ADSS2: variants seen among roughly 807,000 people sequenced by gnomAD.
The protein encoded by ADSS2 is adenylosuccinate synthetase isozyme 2.
In ADSS2, 30 loss-of-function variants were observed where a neutral mutation model predicts 60.0. The ratio of observed to expected loss-of-function variants is 0.50; its 90% CI spans 0.37 to 0.68. The LOEUF is 0.68. Among genes scored for constraint, ADSS2 ranks in the 30% least tolerant of loss-of-function variants. The pLI is 0.00. For synonymous variants in ADSS2, 187 were observed against 193.1 expected (o/e 0.97, Z 0.26); for missense variants, 373 against 554.8 (o/e 0.67, Z 3.29).
rs1664501856 is a variant in ADSS2 at position 244,415,235 on chromosome 1, T to C, written c.1168+746A>G. ...TTGAAGTTATAACTCTTGAAATAGC[T>C]TTGTAAATAGAATTAAGAACCAGGA... On this transcript the variant is annotated intron_variant, in intron 11 of 12. Coordinates refer to ENST00000366535, the MANE Select transcript of ADSS2 (RefSeq NM_001126.5). 2.0e-5 allele frequency among the ~76,000 whole-genome samples: 3 copies of C among 152,246 alleles called. No individual in the cohort carries two copies. The South Asian group carries it at 6.2e-4, about 31-fold the overall frequency.
At chr1:244,425,448 T>C (rs1261581895) in intron 4 of ADSS2, among the ~76,000 whole-genome samples, 2 of 152,194 alleles carry the variant, frequency 1.3e-5, no homozygotes, top group East Asian at 1.9e-4. Flanking sequence ...AAGACTGATA[T>C]AAGGTTCTTG....
intron 2 of ADSS2, 79 bp from the exon 3 acceptor site, chr1:244,436,972 C>T (rs918828481): frequency 1.3e-5 from 15 of 1,180,054 alleles, no homozygotes; most frequent in Admixed American, 7.9e-5. Flanking sequence ...TCTGATTTAC[C>T]ACGGTGTTAC....
In ADSS2 at chr1:244,422,739, C is replaced by T. The variant is rs116235277; in HGVS notation, c.663+96G>A. 805 of 881,912 alleles carry T rather than the reference C, an allele frequency of 9.1e-4. 7 individuals are homozygous for T. In the African/African-American group the frequency reaches 0.012, roughly 13 times the overall value. The allele number at this position is 881,912 out of a possible 1,614,324, so 54.6% of individuals were successfully genotyped here. A position where few individuals can be genotyped will look rare whatever the true frequency, so the allele number is the denominator to read the frequency against. On this transcript the variant is annotated intron_variant, in intron 7 of 12. Transcript: ENST00000366535. ...GTCCAAGACAAACAATTTCCTTTGC[C>T]AGTTCTTACCCAAAGCCTGCATGAA...
At chr1:244,428,348 C>A (rs562648241) in intron 4 of ADSS2, among the ~76,000 whole-genome samples, 1 of 152,114 alleles carries the variant, frequency 6.6e-6, no homozygotes, top group East Asian at 1.9e-4. Context: ...TCATACTCAA[C>A]TTATAAGTTA....
rs73129734 is a variant in ADSS2, at chr1:244,439,507, C to T, written c.184-1739G>A. Among the ~76,000 whole-genome samples, 829 of 152,296 alleles carry T rather than the reference C, an allele frequency of 5.4e-3. 15 individuals carry two copies. Among genetic ancestry groups the T allele is most frequent in the African/African-American group, 0.018 (748 of 41,564 alleles). On this transcript the variant is annotated intron_variant, in intron 1 of 12. Coordinates refer to ENST00000366535, the MANE Select transcript of ADSS2 (RefSeq NM_001126.5). ...GACTCCGCCCAGTGCCCTGCCCCTA[C>T]TGTGGCTGGGATCCAAACTGCAAGA...
Position 244,418,889 on chromosome 1 carries a change from T to C in ADSS2, c.816A>G (p.Ser272=). The C allele has an allele frequency of 6.2e-7, 1 of 1,611,146 alleles. No homozygotes were observed. The highest frequency in any genetic ancestry group is 8.5e-7 in the Non-Finnish European group (1 of 1,178,930). The stretch of plus-strand genomic sequence containing the variant: ...TACAAACACCTCCAACAGTACAATT[T>C]GAAGAGGTTACAAAAGGGTAAGTCC... ...DFGTYPFVTS[S]NCTVGGVCTG... is the part of the protein sequence containing the mutation. The change falls in exon 9 of 13, where the codon TCA becomes TCG. Residue 272 remains serine (S), a synonymous_variant. Transcript: ENST00000366535.
intron 6 of ADSS2, among the ~76,000 whole-genome samples, chr1:244,423,257 GCAGTTTA>G: frequency 6.6e-6 from 1 of 152,260 alleles, no homozygotes; most frequent in East Asian, 1.9e-4. Context: ...ACAAAAGGGG[GCAGTTTA>G]CATGATACTT....
Position 244,423,970 on chromosome 1 carries a change from A to G in ADSS2, c.564T>C (p.Phe188=), listed in dbSNP as rs565481613. 4.5e-5 allele frequency: 72 copies of G among 1,612,064 alleles called. 1 individual carries two copies. In the South Asian group the frequency reaches 6.1e-4, roughly 14 times the overall value. Residue 188 remains phenylalanine, a synonymous_variant, in exon 6 of 13, where the codon TTT becomes TTC. Coordinates refer to ENST00000366535, the MANE Select transcript of ADSS2 (RefSeq NM_001126.5). Reference sequence around the variant, plus strand: ...TTAGTTACCTCTCAGAGAAGCCATCAAAGTCAGAAACAAGGTCGCACATCC... The same window carrying G: ...TTAGTTACCTCTCAGAGAAGCCATCGAAGTCAGAAACAAGGTCGCACATCC... ...GLRMCDLVSD[F]DGFSERFKVL... is the part of the protein sequence containing the mutation.
chr1:244,432,456 TAA>T, intron 4 of ADSS2, 87 bp downstream of exon 4: 4 of 997,496 alleles, frequency 4.0e-6, no homozygotes, highest in South Asian at 1.6e-5. Context: ...TAAATAAAAA[TAA>T]AAGACAAAAT....
At chr1:244,428,675 A>G (rs998782953) in intron 4 of ADSS2, among the ~76,000 whole-genome samples, 6 of 151,958 alleles carry the variant, frequency 3.9e-5, no homozygotes, top group Non-Finnish European at 8.8e-5. Context: ...GAAAATGGTT[A>G]TTTTTTGGGG....
intron 12 of ADSS2, among the ~76,000 whole-genome samples, chr1:244,409,903 A>T (rs978862414): frequency 4.3e-4 from 65 of 152,214 alleles, no homozygotes; most frequent in African/African-American, 1.5e-3. Flanking sequence ...GGATAGTAAA[A>T]TATTGACCAA....
chr1:244,429,822 T>C (rs554219127), intron 4 of ADSS2, among the ~76,000 whole-genome samples: 23 of 152,114 alleles, frequency 1.5e-4, no homozygotes, highest in African/African-American at 5.5e-4. Context: ...GTGGAGGTTG[T>C]AGTGAACCAA....
chr1:244,411,933 T>C (rs149488008), intron 11 of ADSS2, among the ~76,000 whole-genome samples: 36 of 152,342 alleles, frequency 2.4e-4, no homozygotes, highest in Admixed American at 9.1e-4. Context: ...GAACATGTAC[T>C]AAAGAAAAGT....
intron 3 of ADSS2, among the ~76,000 whole-genome samples, chr1:244,435,561 T>C (rs1026591725): frequency 6.6e-6 from 1 of 151,964 alleles, no homozygotes; most frequent in Admixed American, 6.6e-5. Context: ...TCTACCTCTG[T>C]CCTTCTCTTC....
chr1:244,411,812 A>C (rs993025213), intron 11 of ADSS2, among the ~76,000 whole-genome samples: 7 of 152,028 alleles, frequency 4.6e-5, no homozygotes, highest in Non-Finnish European at 8.8e-5. Flanking sequence ...CATGACAGCA[A>C]CTTCACAGAA....
chr1:244,433,701 T>C (rs1180421059), intron 3 of ADSS2, among the ~76,000 whole-genome samples: 1 of 151,494 alleles, frequency 6.6e-6, no homozygotes, highest in African/African-American at 2.4e-5. Flanking sequence ...TTACTAAAAA[T>C]ACAAAAATTA....
At chr1:244,434,975 T>C (rs1665047817) in intron 3 of ADSS2, among the ~76,000 whole-genome samples, 1 of 151,860 alleles carries the variant, frequency 6.6e-6, no homozygotes, top group African/African-American at 2.4e-5. Flanking sequence ...GAGACCATCC[T>C]GGCTAACACG....
At chr1:244,445,985 C>T (rs553774891) in intron 1 of ADSS2, among the ~76,000 whole-genome samples, 1 of 152,192 alleles carries the variant, frequency 6.6e-6, no homozygotes, top group Non-Finnish European at 1.5e-5. Context: ...CTACTGTAAT[C>T]ACAGAGCTCA....
rs148535556 is a variant in ADSS2 at position 244,409,418 on chromosome 1, A to G, written c.*168T>C. ...AAGAAAGCTGACACTGGAATATGCC[A>G]AAGTTAATCTCCACAGTAGGCATCC... is the stretch of plus-strand genomic sequence containing the variant. On this transcript the variant is annotated 3_prime_UTR_variant, in exon 13 of 13. Transcript: ENST00000366535. 8.1e-4 allele frequency: 403 copies of G among 497,912 alleles called. 3 individuals are homozygous for G. In the East Asian group the frequency reaches 0.011, roughly 14 times the overall value. The allele number at this position is 497,912 out of a possible 1,614,324, so 30.8% of individuals were successfully genotyped here.
Sources: gnomAD v4.1 joint callset for allele counts (sites outside exome capture counted in the v4.1 genomes callset) on GRCh38, gnomAD v4.1.1 for gene constraint, MANE v1.5 for transcripts, NCBI Gene and HGNC (gene_info 2026-07-23, HGNC 2026-07-21) for gene names.